Variants in IMMP2L observed in about 807,000 individuals in gnomAD.
The protein encoded by IMMP2L is inner mitochondrial membrane peptidase subunit 2.
Under a neutral mutation model 19.3 loss-of-function variants are expected in IMMP2L, and 18 were observed. The observed-to-expected ratio is 0.93, with a 90% confidence interval of 0.64 to 1.38. The LOEUF (loss-of-function observed/expected upper bound fraction) is 1.38. IMMP2L is among the 40% of genes most tolerant of loss of function. The probability of loss-of-function intolerance (pLI) is 0.00; values close to 1 mark genes in which losing one functional copy is unlikely to be tolerated. For missense variants in IMMP2L, 233 were observed against 218.2 expected, an observed-to-expected ratio of 1.07 and a Z score of -0.43; for synonymous variants, 76 against 73.0, an observed-to-expected ratio of 1.04 and a Z score of -0.21.
chr7:110,996,891 T>C (rs969358378), intron 3 of IMMP2L, among the ~76,000 whole-genome samples: 1 of 151,998 alleles, frequency 6.6e-6, no homozygotes, highest in African/African-American at 2.4e-5. Context: ...TAGTTGTGAG[T>C]GTGTGTGTGT....
intron 4 of IMMP2L, among the ~76,000 whole-genome samples, chr7:110,934,013 G>A (rs1815800085): frequency 6.6e-6 from 1 of 152,122 alleles, no homozygotes; most frequent in African/African-American, 2.4e-5. Context: ...CGCATTAGCT[G>A]TGTCCAGAGA....
intron 3 of IMMP2L, among the ~76,000 whole-genome samples, chr7:111,381,091 CG>C (rs1831157152): frequency 6.6e-6 from 1 of 151,912 alleles, no homozygotes. Flanking sequence ...AAACACCACG[CG>C]AACTGTTGTA....
intron 3 of IMMP2L, among the ~76,000 whole-genome samples, chr7:111,263,591 G>C (rs1817542341): frequency 6.6e-6 from 1 of 152,072 alleles, no homozygotes; most frequent in African/African-American, 2.4e-5. Context: ...AAAGAAGTCT[G>C]GGATAGACAG....
intron 5 of IMMP2L, among the ~76,000 whole-genome samples, chr7:110,878,832 T>G (rs2129544679): frequency 6.6e-6 from 1 of 152,296 alleles, no homozygotes; most frequent in Middle Eastern, 3.4e-3. Flanking sequence ...TTCAACAGAA[T>G]ACTCAAGTGT....
chr7:111,148,537 T>C (rs1221197713), intron 3 of IMMP2L, among the ~76,000 whole-genome samples: 1 of 151,980 alleles, frequency 6.6e-6, no homozygotes, highest in Non-Finnish European at 1.5e-5. Flanking sequence ...TCAATAAAGT[T>C]GTTGTAAAAA....
chr7:111,515,011 G>C (rs775486511), intron 2 of IMMP2L, among the ~76,000 whole-genome samples: 1 of 151,936 alleles, frequency 6.6e-6, no homozygotes, highest in East Asian at 1.9e-4. Context: ...ACTACATTTA[G>C]TATCTGATAG....
At position 111,453,029 on chromosome 7, in the gene IMMP2L, T is replaced by A. The variant is rs142145322; in HGVS notation, c.239+34209A>T. On this transcript the variant is annotated intron_variant, in intron 3 of 5. Transcript: ENST00000405709. ...TAAATAAACTATTACTTTACCAGTA[T>A]CAAACTCCCCACCTGAGGTAGCACT... is the stretch of plus-strand genomic sequence containing the variant. Among the ~76,000 whole-genome samples the A allele has an allele frequency of 1.1e-4, 17 of 152,258 alleles. 1 individual carries two copies. The highest frequency in any genetic ancestry group is 3.8e-4 in the African/African-American group (16 of 41,564).
chr7:111,490,052 T>G (rs527555981), intron 2 of IMMP2L, among the ~76,000 whole-genome samples: 1 of 149,746 alleles, frequency 6.7e-6, no homozygotes, highest in East Asian at 2.0e-4. Context: ...CGCCTCAGCC[T>G]CCCAAAGTGC....
intron 3 of IMMP2L, among the ~76,000 whole-genome samples, chr7:111,140,317 A>G (rs1265543302): frequency 6.6e-6 from 1 of 152,132 alleles, no homozygotes; most frequent in Non-Finnish European, 1.5e-5. Context: ...ATAACAACAA[A>G]AAACTGGTTG....
chr7:111,492,397 C>T, intron 2 of IMMP2L: 1 of 984,318 alleles, frequency 1.0e-6, no homozygotes, highest in Non-Finnish European at 1.2e-6. Flanking sequence ...CAGTTTCTAA[C>T]CCGCTCTTTG....
chr7:111,095,397 T>C (rs1294837354), intron 3 of IMMP2L, among the ~76,000 whole-genome samples: 1 of 151,902 alleles, frequency 6.6e-6, no homozygotes, highest in Non-Finnish European at 1.5e-5. Flanking sequence ...AATAATGTTT[T>C]CTCAAAAACC....
At chr7:111,556,532 A>G (rs1026882201) in intron 1 of IMMP2L, among the ~76,000 whole-genome samples, 2 of 152,022 alleles carry the variant, frequency 1.3e-5, no homozygotes, top group African/African-American at 4.8e-5. Context: ...CTTCAGCCTC[A>G]TCTCCTATTC....
At chr7:110,862,750 C>A (rs1807578163) in intron 5 of IMMP2L, among the ~76,000 whole-genome samples, 1 of 151,978 alleles carries the variant, frequency 6.6e-6, no homozygotes, top group South Asian at 2.1e-4. Flanking sequence ...ACCTTCAGGT[C>A]TTTTGTGAAC....
chr7:111,470,683 A>G (rs1337515031), intron 3 of IMMP2L, among the ~76,000 whole-genome samples: 2 of 128,414 alleles, frequency 1.6e-5, no homozygotes, highest in Admixed American at 9.4e-5. Context: ...ATGAGAACAC[A>G]TGGACACAGG....
chr7:111,018,145 A>C (rs1176542318), intron 3 of IMMP2L, among the ~76,000 whole-genome samples: 1 of 152,160 alleles, frequency 6.6e-6, no homozygotes, highest in Non-Finnish European at 1.5e-5. Flanking sequence ...GTTATTTTTC[A>C]GAAGGAGGAG....
At chr7:110,721,273 G>A (rs1394364291) in intron 5 of IMMP2L, among the ~76,000 whole-genome samples, 1 of 151,966 alleles carries the variant, frequency 6.6e-6, no homozygotes, top group East Asian at 1.9e-4. Context: ...CATTGTTCAG[G>A]GTTGTTGCAA....
chr7:111,293,020 T>C (rs768015862), intron 3 of IMMP2L, among the ~76,000 whole-genome samples: 9 of 151,976 alleles, frequency 5.9e-5, no homozygotes, highest in Non-Finnish European at 1.5e-5. Context: ...TCTTAGCATA[T>C]ACCTCACCAT....
intron 3 of IMMP2L, among the ~76,000 whole-genome samples, chr7:111,336,823 T>C (rs1826468103): frequency 6.6e-6 from 1 of 151,810 alleles, no homozygotes; most frequent in South Asian, 2.1e-4. Flanking sequence ...TCAAGTTGCC[T>C]TTCTCAGAAG....
intron 3 of IMMP2L, chr7:111,411,355 A>G: frequency 2.3e-6 from 1 of 437,178 alleles, no homozygotes; most frequent in Non-Finnish European, 4.5e-6. Context: ...AGCCCACAAC[A>G]CCCCTGAAAT....
Sources: allele counts gnomAD v4.1 joint callset (sites outside exome capture counted in the v4.1 genomes callset), GRCh38; gene constraint gnomAD v4.1.1; transcripts MANE v1.5; gene names NCBI Gene and HGNC (gene_info 2026-07-23, HGNC 2026-07-21).